Variants in TMEM37 observed in about 807,000 individuals in gnomAD.
TMEM37 encodes the protein voltage-dependent calcium channel gamma-like subunit.
A neutral mutation model predicts 11.0 loss-of-function variants in TMEM37; 12 were observed. That is an observed-to-expected ratio of 1.09 (90% CI 0.70 to 1.76). The LOEUF is 1.76. TMEM37 is among the 40% of genes most tolerant of loss of function. The pLI is 0.00. For synonymous variants in TMEM37, 127 were observed against 110.5 expected (o/e 1.15, Z -0.94); for missense variants, 203 against 251.2 (o/e 0.81, Z 1.30).
intron 1 of TMEM37, among the ~76,000 whole-genome samples, chr2:119,433,282 T>C (rs1682438906): frequency 6.6e-6 from 1 of 152,202 alleles, no homozygotes; most frequent in Non-Finnish European, 1.5e-5. Flanking sequence ...CCCACAACCA[T>C]GACTTGCCAG....
At position 119,437,747 on chromosome 2, in the gene TMEM37, C is replaced by T. The variant is rs1682532796; in HGVS notation, c.*307C>T. 2.6e-6 allele frequency: 1 copy of T among 391,888 alleles called. No individual in the cohort carries two copies. The highest frequency in any genetic ancestry group is 2.1e-5 in the African/African-American group (1 of 48,714). 24.3% of individuals were successfully genotyped at this position (391,888 alleles called of 1,614,324 possible). A position where few individuals can be genotyped will look rare whatever the true frequency, so the allele number is the denominator to read the frequency against. On this transcript the variant is annotated 3_prime_UTR_variant, in exon 2 of 2. Coordinates refer to ENST00000306406, the MANE Select transcript of TMEM37 (RefSeq NM_183240.3). ...TCCTTCTTGAATTTTCTTCCCTGGA[C>T]TGGAATACAGTTGGAAGCACAGGGG...
Position 119,435,121 on chromosome 2 carries a change from A to G in TMEM37, c.22-1768A>G, listed in dbSNP as rs138935518. On this transcript the variant is annotated intron_variant, in intron 1 of 1. Transcript: ENST00000306406. ...CACCATGGAGCTTCCTACTTTATCA[A>G]CCTCATAGGTTTAAGAATAAAATAG... is the stretch of plus-strand genomic sequence containing the variant. Among the ~76,000 whole-genome samples the G allele has an allele frequency of 5.9e-5, 9 of 152,264 alleles. No homozygotes were observed. The East Asian group carries it at 9.7e-4, about 16-fold the overall frequency.
chr2:119,436,393 G>A (rs1027157576), intron 1 of TMEM37, among the ~76,000 whole-genome samples: 1 of 152,182 alleles, frequency 6.6e-6, no homozygotes, highest in Non-Finnish European at 1.5e-5. Flanking sequence ...CAGGTGGGTG[G>A]GGATTAGGAC....
At position 119,437,534 on chromosome 2, in the gene TMEM37, C is replaced by T; in HGVS notation, c.*94C>T. 1.4e-6 allele frequency: 2 copies of T among 1,477,750 alleles called. No homozygotes were observed. The highest frequency in any genetic ancestry group is 1.8e-6 in the Non-Finnish European group (2 of 1,103,176). 91.5% of individuals were successfully genotyped at this position (1,477,750 alleles called of 1,614,324 possible). On this transcript the variant is annotated 3_prime_UTR_variant, in exon 2 of 2. Coordinates refer to ENST00000306406, the MANE Select transcript of TMEM37 (RefSeq NM_183240.3). Reference sequence around the variant, plus strand: ...TTCCAGCATGTGGCCTCTGGTGGGGCTGGGTTGGACAAGGGCCTTGAAACG... The same window carrying T: ...TTCCAGCATGTGGCCTCTGGTGGGGTTGGGTTGGACAAGGGCCTTGAAACG...
chr2:119,431,666 C>G (rs1300079262), upstream of TMEM37, among the ~76,000 whole-genome samples: 1 of 152,252 alleles, frequency 6.6e-6, no homozygotes, highest in Non-Finnish European at 1.5e-5. Context: ...GGGTCCTCCC[C>G]GCGGCTCCCC....
At chr2:119,430,038 G>A, upstream of TMEM37, 1 of 1,458,360 alleles carries the variant, frequency 6.9e-7, no homozygotes. Context: ...GCATTCTTAG[G>A]GCTCAGTGAA....
chr2:119,431,926 T>G lies in TMEM37; in HGVS notation c.21+2T>G. ...AGCATGACTGCCGTCGGCGTGCAGGTAGCCGGCGCCTGGCGGGGCGCTGAC... is the reference window on the plus strand; with the variant it reads ...AGCATGACTGCCGTCGGCGTGCAGGGAGCCGGCGCCTGGCGGGGCGCTGAC... On this transcript the variant is annotated splice_donor_variant, in intron 1 of 1. Transcript: ENST00000306406. LOFTEE classifies it high-confidence loss of function. 8.2e-7 allele frequency: 1 copy of G among 1,225,114 alleles called. No individual in the cohort carries two copies. Among genetic ancestry groups the G allele is most frequent in the Non-Finnish European group, 1.0e-6 (1 of 983,532 alleles). 75.9% of individuals were successfully genotyped at this position (1,225,114 alleles called of 1,614,324 possible).
chr2:119,433,610 G>A (rs1314346155), intron 1 of TMEM37, among the ~76,000 whole-genome samples: 2 of 152,184 alleles, frequency 1.3e-5, no homozygotes, highest in Non-Finnish European at 2.9e-5. Context: ...GCCCAGTAGT[G>A]TCAAGTGACC....
upstream of TMEM37, chr2:119,430,250 A>G: frequency 1.5e-6 from 1 of 649,436 alleles, no homozygotes; most frequent in South Asian, 1.6e-5. Flanking sequence ...AGTGGTTCTC[A>G]AAGCCTGGCC....
At position 119,437,241 on chromosome 2, in the gene TMEM37, T is replaced by C; in HGVS notation, c.374T>C (p.Val125Ala). The C allele has an allele frequency of 6.2e-7, 1 of 1,614,232 alleles. No individual in the cohort carries two copies. Among genetic ancestry groups the C allele is most frequent in the Non-Finnish European group, 8.5e-7 (1 of 1,180,044 alleles). The change falls in exon 2 of 2, where the codon GTC becomes GCC. Residue 125 changes from valine to alanine, a missense_variant. By Grantham distance (64) the Val-to-Ala change is moderately conservative. Transcript: ENST00000306406. The stretch of plus-strand genomic sequence containing the variant: ...GACAAACACTCACAGTGCAAGTGGG[T>C]CATGGGTTCCATCCTCCTCCTGGTG... ...CEDKHSQCKW[V>A]MGSILLLVSF...
chr2:119,436,781 A>G, intron 1 of TMEM37, 108 bp from the exon 2 acceptor site: 1 of 908,620 alleles, frequency 1.1e-6, no homozygotes, highest in Non-Finnish European at 1.7e-6. Context: ...CAAGCAGAGA[A>G]TAAGACAGTG....
chr2:119,431,860 G>C lies in TMEM37; in HGVS notation c.-44G>C. The C allele has an allele frequency of 8.1e-7, 1 of 1,232,130 alleles. No homozygotes were observed. Among genetic ancestry groups the C allele is most frequent in the Non-Finnish European group, 1.0e-6 (1 of 988,542 alleles). The allele number at this position is 1,232,130 out of a possible 1,614,324, so 76.3% of individuals were successfully genotyped here. On this transcript the variant is annotated 5_prime_UTR_variant, in exon 1 of 2. Coordinates refer to ENST00000306406, the MANE Select transcript of TMEM37 (RefSeq NM_183240.3). ...GGCTGGCGCCGGCGGCCACAGCGGAGCAGCTGGAGCGATCGAGGCTGCAGC... is the reference window on the plus strand; with the variant it reads ...GGCTGGCGCCGGCGGCCACAGCGGACCAGCTGGAGCGATCGAGGCTGCAGC...
At chr2:119,430,266 G>C, upstream of TMEM37, 1 of 632,844 alleles carries the variant, frequency 1.6e-6, no homozygotes, top group Non-Finnish European at 3.0e-6. Context: ...TGGCCCCCAG[G>C]CCAGCAGCAC....
Position 119,437,934 on chromosome 2 carries a change from C to G in TMEM37, c.*494C>G, listed in dbSNP as rs1682539062. ...AATCAGTGCCTAGGACTTTCTTCCA[C>G]CAGCTCAAAGGGCCTTCGTATGTAT... On this transcript the variant is annotated 3_prime_UTR_variant, in exon 2 of 2. Coordinates refer to ENST00000306406, the MANE Select transcript of TMEM37 (RefSeq NM_183240.3). 1 of 157,916 alleles carries G rather than the reference C, an allele frequency of 6.3e-6. No individual in the cohort carries two copies. The highest frequency in any genetic ancestry group is 2.4e-5 in the African/African-American group (1 of 41,458). The allele number at this position is 157,916 out of a possible 1,614,324, so 9.8% of individuals were successfully genotyped here.
At position 119,436,954 on chromosome 2, in the gene TMEM37, C is replaced by T. The variant is rs1386069235; in HGVS notation, c.87C>T (p.Leu29=). Residue 29 remains leucine, a synonymous_variant, in exon 2 of 2, where the codon CTC becomes CTT. Transcript: ENST00000306406. ...RSFFESFIRT[L]IITCVALAVV... Reference sequence around the variant, plus strand: ...TCTTTGAATCCTTCATCCGGACCCTCATCATCACGTGTGTGGCCCTGGCTG... The same window carrying T: ...TCTTTGAATCCTTCATCCGGACCCTTATCATCACGTGTGTGGCCCTGGCTG... 3 of 1,614,148 alleles carry T rather than the reference C, an allele frequency of 1.9e-6. No homozygotes were observed. The highest frequency in any genetic ancestry group is 2.2e-5 in the East Asian group (1 of 44,888).
Position 119,435,423 on chromosome 2 carries a change from G to A in TMEM37, c.22-1466G>A, listed in dbSNP as rs539840680. On this transcript the variant is annotated intron_variant, in intron 1 of 1. Transcript: ENST00000306406. ...ATTCTCCTGGGTCCTAGCAGTGACC[G>A]TCATGCGTGCCTGTTTTGCATACCT... is the stretch of plus-strand genomic sequence containing the variant. 1.5e-3 allele frequency among the ~76,000 whole-genome samples: 232 copies of A among 152,294 alleles called. 2 individuals carry two copies. Among genetic ancestry groups the A allele is most frequent in the African/African-American group, 5.2e-3 (218 of 41,560 alleles).
In TMEM37 at chr2:119,437,305, G is replaced by A. The variant is rs1357395802; in HGVS notation, c.438G>A (p.Val146=). ...VLSSGGLLGF[V]ILLRNQVTLI... is the part of the protein sequence containing the mutation. ...CCTCCGGCGGGCTCCTGGGTTTTGT[G>A]ATCCTCCTCAGGAACCAAGTCACAC... The change falls in exon 2 of 2, where the codon GTG becomes GTA. Residue 146 remains valine (V), a synonymous_variant. Coordinates refer to ENST00000306406, the MANE Select transcript of TMEM37 (RefSeq NM_183240.3). 1.2e-6 allele frequency: 2 copies of A among 1,614,080 alleles called. No individual in the cohort carries two copies. Among genetic ancestry groups the A allele is most frequent in the Non-Finnish European group, 1.7e-6 (2 of 1,180,056 alleles).
At chr2:119,431,965 C>T (rs1573762435) in intron 1 of TMEM37, 41 bp downstream of exon 1, 1 of 1,201,220 alleles carries the variant, frequency 8.3e-7, no homozygotes, top group Non-Finnish European at 1.0e-6. Flanking sequence ...GGGTGCTGCC[C>T]CGCCGTGGGA....
chr2:119,431,782 C>T (rs1036177289), upstream of TMEM37: 8 of 782,760 alleles, frequency 1.0e-5, no homozygotes, highest in African/African-American at 3.6e-5. Context: ...TTGAACGCCC[C>T]CTCCCGCCCC....
Sources: allele counts gnomAD v4.1 joint callset (sites outside exome capture counted in the v4.1 genomes callset), GRCh38; gene constraint gnomAD v4.1.1; transcripts MANE v1.5; gene names NCBI Gene and HGNC (gene_info 2026-07-23, HGNC 2026-07-21).